NLGN1: variants seen among roughly 807,000 people sequenced by gnomAD.
NLGN1 encodes neuroligin 1, also known as neuroligin-1.
NLGN1 carries 12 observed loss-of-function variants against 65.5 expected under a neutral mutation model. The ratio of observed to expected loss-of-function variants is 0.18; its 90% CI spans 0.12 to 0.30. The LOEUF (loss-of-function observed/expected upper bound fraction) is 0.30. Among genes scored for constraint, NLGN1 ranks in the 10% least tolerant of loss-of-function variants. The pLI is 1.00. For synonymous variants in NLGN1, 350 were observed against 359.5 expected (o/e 0.97, Z 0.30); for missense variants, 750 against 1,007.1 (o/e 0.74, Z 3.46).
At chr3:173,641,052 T>C (rs770066836) in intron 3 of NLGN1, among the ~76,000 whole-genome samples, 2 of 152,202 alleles carry the variant, frequency 1.3e-5, no homozygotes, top group Non-Finnish European at 2.9e-5. Context: ...GTATTTGAGA[T>C]ATTTTAAGAT....
At chr3:174,027,465 A>G (rs1033077861) in intron 4 of NLGN1, among the ~76,000 whole-genome samples, 1 of 152,192 alleles carries the variant, frequency 6.6e-6, no homozygotes, top group Non-Finnish European at 1.5e-5. Flanking sequence ...ATAAATACAC[A>G]GGTCCACAAT....
At chr3:173,748,835 T>G (rs1430028434) in intron 3 of NLGN1, among the ~76,000 whole-genome samples, 2 of 152,116 alleles carry the variant, frequency 1.3e-5, no homozygotes, top group Non-Finnish European at 2.9e-5. Flanking sequence ...AGGTTGCTTA[T>G]TTATTTGAAG....
At position 173,963,276 on chromosome 3, in the gene NLGN1, TC is replaced by T. The variant is rs761347489; in HGVS notation, c.646+155445del. Among the ~76,000 whole-genome samples the T allele has an allele frequency of 5.9e-5, 9 of 152,096 alleles. No homozygotes were observed. The East Asian group carries it at 1.5e-3, about 26-fold the overall frequency. The stretch of plus-strand genomic sequence containing the variant: ...GGAAGGTGCAATCCAAAAAGAGGAT[TC>T]ATTAAAGAGCTTCTAAAATCTTATA... On this transcript the variant is annotated intron_variant, in intron 4 of 6. Coordinates refer to ENST00000457714, the Ensembl canonical transcript of NLGN1.
chr3:173,752,998 C>G (rs1292973378), intron 3 of NLGN1, among the ~76,000 whole-genome samples: 20 of 152,078 alleles, frequency 1.3e-4, no homozygotes. Flanking sequence ...TATTAGATAC[C>G]ATCCTCTTTT....
chr3:174,076,001 C>A (rs1740829142), intron 4 of NLGN1, among the ~76,000 whole-genome samples: 2 of 152,080 alleles, frequency 1.3e-5, no homozygotes, highest in South Asian at 2.1e-4. Flanking sequence ...CTTTATTTTA[C>A]ATATGTCTGC....
intron 3 of NLGN1, among the ~76,000 whole-genome samples, chr3:173,793,584 T>C (rs1182637955): frequency 6.6e-6 from 1 of 152,208 alleles, no homozygotes; most frequent in Non-Finnish European, 1.5e-5. Flanking sequence ...AATTTAACTT[T>C]AAATACATAT....
At chr3:173,586,594 A>G (rs1747486061) in intron 2 of NLGN1, among the ~76,000 whole-genome samples, 1 of 152,220 alleles carries the variant, frequency 6.6e-6, no homozygotes, top group Non-Finnish European at 1.5e-5. Context: ...AAAGTGGAAA[A>G]GGTAGATATT....
chr3:173,783,368 G>C (rs1465391757), intron 3 of NLGN1, among the ~76,000 whole-genome samples: 1 of 152,188 alleles, frequency 6.6e-6, no homozygotes, highest in Non-Finnish European at 1.5e-5. Flanking sequence ...ACTGTTGCCT[G>C]TAACTTGGAA....
At chr3:173,827,772 A>G (rs1721659076) in intron 4 of NLGN1, among the ~76,000 whole-genome samples, 1 of 151,958 alleles carries the variant, frequency 6.6e-6, no homozygotes, top group Non-Finnish European at 1.5e-5. Flanking sequence ...AGAGAAGCTG[A>G]TGATGTAGTT....
At chr3:173,716,704 G>A (rs1769908803) in intron 3 of NLGN1, among the ~76,000 whole-genome samples, 1 of 152,120 alleles carries the variant, frequency 6.6e-6, no homozygotes, top group South Asian at 2.1e-4. Flanking sequence ...AGTGTTGCTG[G>A]GAGCCAAATG....
chr3:174,266,968 G>A (rs958117224), intron 4 of NLGN1, among the ~76,000 whole-genome samples: 2 of 152,100 alleles, frequency 1.3e-5, no homozygotes, highest in Non-Finnish European at 2.9e-5. Context: ...TATAGCCACA[G>A]TATTTTTATA....
At chr3:173,869,927 A>G (rs1392204701) in intron 4 of NLGN1, among the ~76,000 whole-genome samples, 3 of 152,186 alleles carry the variant, frequency 2.0e-5, no homozygotes, top group Admixed American at 1.3e-4. Context: ...GATTCAGATA[A>G]ATTGAGCACA....
At chr3:174,291,925 G>T in the NLGN1 span, among the ~76,000 whole-genome samples, 50 of 151,224 alleles carry the variant, frequency 3.3e-4, 1 homozygote, top group East Asian at 8.9e-3. Flanking sequence ...GAAGGTAATA[G>T]AAAAATCATA....
intron 3 of NLGN1, among the ~76,000 whole-genome samples, chr3:173,638,746 A>G (rs908039077): frequency 3.3e-5 from 5 of 152,150 alleles, no homozygotes; most frequent in Non-Finnish European, 7.4e-5. Context: ...TTTTAAAAAT[A>G]TGGTTCATAG....
At chr3:173,755,973 T>C (rs1777053036) in intron 3 of NLGN1, among the ~76,000 whole-genome samples, 1 of 152,130 alleles carries the variant, frequency 6.6e-6, no homozygotes, top group South Asian at 2.1e-4. Context: ...AAATAGGTTA[T>C]ATTACAAATG....
At chr3:174,105,557 A>G (rs1713538117) in intron 4 of NLGN1, among the ~76,000 whole-genome samples, 1 of 151,984 alleles carries the variant, frequency 6.6e-6, no homozygotes, top group African/African-American at 2.4e-5. Flanking sequence ...ACAAACAAAC[A>G]AGCAAGCAAA....
intron 4 of NLGN1, among the ~76,000 whole-genome samples, chr3:174,203,328 G>A (rs2152778395): frequency 6.6e-6 from 1 of 152,272 alleles, no homozygotes; most frequent in Middle Eastern, 3.4e-3. Flanking sequence ...ACTTCACCGT[G>A]CACAGAGGAA....
At chr3:173,489,574 A>T (rs1341640535) in intron 2 of NLGN1, among the ~76,000 whole-genome samples, 1 of 152,138 alleles carries the variant, frequency 6.6e-6, no homozygotes. Flanking sequence ...TAGCAGCATG[A>T]TTTATAATCC....
At chr3:173,519,332 G>A (rs1734377926) in intron 2 of NLGN1, among the ~76,000 whole-genome samples, 1 of 152,176 alleles carries the variant, frequency 6.6e-6, no homozygotes, top group Non-Finnish European at 1.5e-5. Flanking sequence ...ACTGCCTAAG[G>A]GAGCTGTGAT....
Sources: gnomAD v4.1 joint callset for allele counts (sites outside exome capture counted in the v4.1 genomes callset) on GRCh38, gnomAD v4.1.1 for gene constraint, MANE v1.5 for transcripts, NCBI Gene and HGNC (gene_info 2026-07-23, HGNC 2026-07-21) for gene names.